The following PTPRG variants were observed in gnomAD, a reference collection of about 807,000 sequenced individuals.
PTPRG encodes the protein receptor-type tyrosine-protein phosphatase gamma.
In PTPRG, 102 loss-of-function variants were observed where a neutral mutation model predicts 165.3. The observed-to-expected ratio is 0.62, with a 90% CI of 0.53 to 0.73. The LOEUF is 0.73. Ranked by LOEUF, PTPRG falls within the 30% of genes least tolerant of loss-of-function variation. The pLI is 0.00. For synonymous variants in PTPRG, 675 were observed against 669.5 expected (o/e 1.01, Z -0.13); for missense variants, 1,866 against 1,861.4 (o/e 1.00, Z -0.05).
chr3:61,885,673 T>TCCC (rs2038011726), intron 2 of PTPRG, among the ~76,000 whole-genome samples: 1 of 69,678 alleles, frequency 1.4e-5, no homozygotes, highest in African/African-American at 5.5e-5. Flanking sequence ...TCTCCTCTCC[T>TCCC]CTCCTCTCCT....
At chr3:61,600,167 A>T (rs1439804200) in intron 1 of PTPRG, among the ~76,000 whole-genome samples, 4 of 90,242 alleles carry the variant, frequency 4.4e-5, no homozygotes, top group East Asian at 6.5e-4. Flanking sequence ...CTCAAAAAAA[A>T]AAAAAAATAT....
chr3:62,133,966 G>A (rs1164231376), intron 6 of PTPRG, among the ~76,000 whole-genome samples: 1 of 151,894 alleles, frequency 6.6e-6, no homozygotes, highest in Non-Finnish European at 1.5e-5. Flanking sequence ...CTGGACAACA[G>A]AGAGAGATTC....
chr3:61,874,615 C>G (rs1010916934), intron 2 of PTPRG, among the ~76,000 whole-genome samples: 1 of 152,024 alleles, frequency 6.6e-6, no homozygotes, highest in Non-Finnish European at 1.5e-5. Flanking sequence ...GAATGGGTCT[C>G]CTTCTCCCTG....
At chr3:62,002,326 C>T (rs2041190476) in intron 3 of PTPRG, among the ~76,000 whole-genome samples, 2 of 152,154 alleles carry the variant, frequency 1.3e-5, no homozygotes, top group Admixed American at 6.6e-5. Context: ...TAAGTACTTT[C>T]CCATGGCTTA....
At chr3:62,054,090 G>T (rs1279037648) in intron 4 of PTPRG, among the ~76,000 whole-genome samples, 1 of 152,114 alleles carries the variant, frequency 6.6e-6, no homozygotes, top group Non-Finnish European at 1.5e-5. Context: ...ATCTATGAGC[G>T]TACTGACTTC....
intron 2 of PTPRG, among the ~76,000 whole-genome samples, chr3:61,893,080 A>G (rs941312561): frequency 6.6e-6 from 1 of 152,212 alleles, no homozygotes; most frequent in Non-Finnish European, 1.5e-5. Context: ...GCACGTCATT[A>G]TCGTCGACTG....
chr3:61,756,653 T>G (rs978889845), intron 2 of PTPRG, among the ~76,000 whole-genome samples: 2 of 152,254 alleles, frequency 1.3e-5, no homozygotes, highest in Non-Finnish European at 2.9e-5. Flanking sequence ...GATTGTAAAG[T>G]TAATGGATGC....
At chr3:62,125,680 CTTT>C (rs34765777) in intron 5 of PTPRG, among the ~76,000 whole-genome samples, 2 of 139,784 alleles carry the variant, frequency 1.4e-5, no homozygotes, top group Non-Finnish European at 1.6e-5. Flanking sequence ...GATCTCATAC[CTTT>C]TTTTTTTTTT....
intron 1 of PTPRG, among the ~76,000 whole-genome samples, chr3:61,662,063 T>C (rs572484384): frequency 1.1e-4 from 17 of 152,348 alleles, no homozygotes; most frequent in African/African-American, 4.1e-4. Context: ...TCTAGGTTTA[T>C]AGTTAATTAA....
At chr3:61,810,591 C>G (rs1310491733) in intron 2 of PTPRG, among the ~76,000 whole-genome samples, 13 of 152,168 alleles carry the variant, frequency 8.5e-5, no homozygotes, top group Admixed American at 8.5e-4. Context: ...GATGCAGACC[C>G]AGCTAGAAGA....
intron 14 of PTPRG, among the ~76,000 whole-genome samples, chr3:62,238,746 C>T (rs1053081085): frequency 1.3e-5 from 2 of 152,110 alleles, no homozygotes; most frequent in Non-Finnish European, 2.9e-5. Flanking sequence ...TGTTAATAAC[C>T]ACCATTTGAC....
chr3:61,813,674 C>T (rs2035664966), intron 2 of PTPRG, among the ~76,000 whole-genome samples: 1 of 149,152 alleles, frequency 6.7e-6, no homozygotes, highest in Non-Finnish European at 1.5e-5. Flanking sequence ...GTCATAATAA[C>T]TTATTGAATG....
chr3:62,123,882 GTCT>G (rs1453505028), intron 5 of PTPRG, among the ~76,000 whole-genome samples: 1 of 152,088 alleles, frequency 6.6e-6, no homozygotes, highest in Non-Finnish European at 1.5e-5. Flanking sequence ...AAAAGGCAAA[GTCT>G]GCTTAGATTG....
intron 1 of PTPRG, among the ~76,000 whole-genome samples, chr3:61,647,642 AT>A (rs2106970774): frequency 1.3e-5 from 2 of 152,200 alleles, no homozygotes; most frequent in South Asian, 4.2e-4. Context: ...ATACAAAAAA[AT>A]TAGCCGGGCG....
At chr3:62,173,053 G>T (rs115332897) in intron 8 of PTPRG, among the ~76,000 whole-genome samples, 1,757 of 152,300 alleles carry the variant, frequency 0.012, 19 homozygotes, top group Middle Eastern at 0.027. Flanking sequence ...ACGGACACCA[G>T]TATCCTTGGA....
At position 62,146,412 on chromosome 3, in the gene PTPRG, C is replaced by T. The variant is rs575170852; in HGVS notation, c.683-10655C>T. Among the ~76,000 whole-genome samples, 3 of 152,210 alleles carry T rather than the reference C, an allele frequency of 2.0e-5. No individual in the cohort carries two copies. In the South Asian group the frequency reaches 6.2e-4, roughly 32 times the overall value. ...GATTAATAAGGTGGACTGTCTCCCT[C>T]CCAGGCCACCTGCTTCAGACCCCAC... On this transcript the variant is annotated intron_variant, in intron 6 of 29. Transcript: ENST00000474889.
chr3:61,840,292 CTGAA>C (rs957674514), intron 2 of PTPRG, among the ~76,000 whole-genome samples: 3 of 150,472 alleles, frequency 2.0e-5, no homozygotes, highest in African/African-American at 7.5e-5. Context: ...AGTTTTCTGT[CTGAA>C]TATCCAGGAC....
rs555719374 is a variant in PTPRG at position 61,816,691 on chromosome 3, A to C, written c.190+67709A>C. Among the ~76,000 whole-genome samples the C allele has an allele frequency of 4.2e-4, 64 of 152,176 alleles. 1 individual carries two copies. The South Asian group carries it at 0.012, about 29-fold the overall frequency. On this transcript the variant is annotated intron_variant, in intron 2 of 29. Transcript: ENST00000474889. Reference sequence around the variant, plus strand: ...ATTCAAATTGTTTATGGAGTTTTTGAAAATGAATTGAGGAGGCACATGGAT... The same window carrying C: ...ATTCAAATTGTTTATGGAGTTTTTGCAAATGAATTGAGGAGGCACATGGAT...
intron 2 of PTPRG, among the ~76,000 whole-genome samples, chr3:61,872,224 C>A (rs1219441390): frequency 6.6e-6 from 1 of 152,174 alleles, no homozygotes; most frequent in Admixed American, 6.5e-5. Context: ...AATGTTGATT[C>A]TGGCCAGGTG....
Sources: allele counts gnomAD v4.1 joint callset (sites outside exome capture counted in the v4.1 genomes callset), GRCh38; gene constraint gnomAD v4.1.1; transcripts MANE v1.5; gene names NCBI Gene and HGNC (gene_info 2026-07-23, HGNC 2026-07-21).